SLC4A5: variants seen among roughly 807,000 people sequenced by gnomAD.
The protein encoded by SLC4A5 is solute carrier family 4 member 5.
Under a neutral mutation model 120.4 loss-of-function variants are expected in SLC4A5, and 96 were observed. The observed-to-expected ratio is 0.80, with a 90% CI of 0.68 to 0.94. The LOEUF is 0.94. SLC4A5 is among the 40% of genes least tolerant of loss of function. The probability of loss-of-function intolerance (pLI) is 0.00; values close to 1 mark genes in which losing one functional copy is unlikely to be tolerated. For synonymous variants in SLC4A5, 550 were observed against 571.1 expected (o/e 0.96, Z 0.53); for missense variants, 1,259 against 1,459.5 (o/e 0.86, Z 2.24).
intron 8 of SLC4A5, among the ~76,000 whole-genome samples, chr2:74,273,148 G>C (rs1030360517): frequency 5.3e-5 from 8 of 152,324 alleles, no homozygotes; most frequent in African/African-American, 1.9e-4. Context: ...ACAGATCCTT[G>C]AGATGATAAA....
intron 9 of SLC4A5, among the ~76,000 whole-genome samples, 165 bp from the exon 10 acceptor site, chr2:74,264,464 C>A (rs1671237843): frequency 6.8e-6 from 1 of 146,368 alleles, no homozygotes; most frequent in African/African-American, 2.6e-5. Flanking sequence ...ATCACCAACT[C>A]TTGGCCTCCT....
chr2:74,279,121 T>G (rs905520951), intron 8 of SLC4A5, among the ~76,000 whole-genome samples: 4 of 152,252 alleles, frequency 2.6e-5, no homozygotes, highest in Non-Finnish European at 5.9e-5. Context: ...GTGCTCAGAC[T>G]TCGCTGACCC....
chr2:74,334,800 G>C (rs1014633721), intron 3 of SLC4A5, among the ~76,000 whole-genome samples: 1 of 151,752 alleles, frequency 6.6e-6, no homozygotes. Flanking sequence ...CTACCTCAAT[G>C]GTTATCTGAA....
intron 19 of SLC4A5, among the ~76,000 whole-genome samples, chr2:74,246,666 T>C (rs111625093): frequency 6.6e-6 from 1 of 152,222 alleles, no homozygotes; most frequent in African/African-American, 2.4e-5. Flanking sequence ...CATCGTATCA[T>C]GACTTGATGG....
Position 74,218,627 on chromosome 2 carries a change from C to T in SLC4A5, c.*199G>A, listed in dbSNP as rs567058638. 7 of 152,744 alleles carry T rather than the reference C, an allele frequency of 4.6e-5. No homozygotes were observed. In the South Asian group the frequency reaches 1.2e-3, roughly 27 times the overall value. The allele number at this position is 152,744 out of a possible 1,614,324, so 9.5% of individuals were successfully genotyped here. A position where few individuals can be genotyped will look rare whatever the true frequency, so the allele number is the denominator to read the frequency against. The stretch of plus-strand genomic sequence containing the variant: ...CCCATCTGGGAGAAGCTGCTTCATC[C>T]TAGAGGGTGGTCTCACTGTCAGTTT... On this transcript the variant is annotated 3_prime_UTR_variant, in exon 31 of 31. Coordinates refer to ENST00000394019, the Ensembl canonical transcript of SLC4A5.
chr2:74,292,855 C>G (rs528007377), intron 7 of SLC4A5, among the ~76,000 whole-genome samples: 13 of 152,324 alleles, frequency 8.5e-5, no homozygotes, highest in Non-Finnish European at 1.9e-4. Context: ...CATCGGCTCC[C>G]TGATGGGTGG....
In SLC4A5 at chr2:74,255,277, CTCTTT is replaced by C. The variant is rs945321735; in HGVS notation, c.1025+493_1025+497del. Among the ~76,000 whole-genome samples, 8 of 152,088 alleles carry C rather than the reference CTCTTT, an allele frequency of 5.3e-5. No individual in the cohort carries two copies. The East Asian group carries it at 7.7e-4, about 15-fold the overall frequency. On this transcript the variant is annotated intron_variant, in intron 13 of 30. Transcript: ENST00000394019. The surrounding 1 kb of genome is among the most constrained non-coding windows in gnomAD (Gnocchi z 4.0). ...CTTCTCTCCTAGTTGTTGCCTCCTT[CTCTTT>C]TATTATTTATTATTTTTATTTTTTT...
At chr2:74,271,819 C>T (rs570890360) in intron 8 of SLC4A5, among the ~76,000 whole-genome samples, 3 of 151,980 alleles carry the variant, frequency 2.0e-5, no homozygotes, top group African/African-American at 7.2e-5. Flanking sequence ...ACTCAGAAGC[C>T]GGGCATGGTG....
rs1160532512 is a variant in SLC4A5, at chr2:74,296,616, CAAAAAAAA to C, written c.271+7865_271+7872del. On this transcript the variant is annotated intron_variant, in intron 7 of 30. Transcript: ENST00000394019. The stretch of plus-strand genomic sequence containing the variant: ...GTGAAACCCGTCTCTACTAAAAATA[CAAAAAAAA>C]AAAAAAAAAAAAAAATTAGCTAGGT... Among the ~76,000 whole-genome samples the C allele has an allele frequency of 2.1e-3, 102 of 47,478 alleles. 1 individual carries two copies. The highest frequency in any genetic ancestry group is 5.5e-3 in the African/African-American group (74 of 13,430). 31.1% of individuals were successfully genotyped at this position (47,478 alleles called of 152,430 possible). A position where few individuals can be genotyped will look rare whatever the true frequency, so the allele number is the denominator to read the frequency against.
chr2:74,308,191 A>AT (rs1672705700), intron 6 of SLC4A5, among the ~76,000 whole-genome samples: 1 of 152,366 alleles, frequency 6.6e-6, no homozygotes, highest in South Asian at 2.1e-4. Context: ...CTAAACATTC[A>AT]TATGTAGGCT....
intron 8 of SLC4A5, among the ~76,000 whole-genome samples, chr2:74,268,047 C>G (rs1288528380): frequency 6.6e-6 from 1 of 151,562 alleles, no homozygotes; most frequent in Non-Finnish European, 1.5e-5. Flanking sequence ...TTTTGAATAA[C>G]AGCTCCATCA....
intron 3 of SLC4A5, among the ~76,000 whole-genome samples, chr2:74,337,656 A>C (rs1225354246): frequency 1.3e-5 from 2 of 152,226 alleles, no homozygotes; most frequent in Non-Finnish European, 1.5e-5. Context: ...GCAGCGGACA[A>C]AGGCAGCAAC....
chr2:74,340,517 G>A (rs1027450567), intron 2 of SLC4A5, among the ~76,000 whole-genome samples: 2 of 152,110 alleles, frequency 1.3e-5, no homozygotes, highest in East Asian at 3.8e-4. Flanking sequence ...ATGATGGGTG[G>A]GGGCAGAAGC....
intron 30 of SLC4A5, among the ~76,000 whole-genome samples, chr2:74,221,035 G>A (rs1248063343): frequency 6.6e-6 from 1 of 151,108 alleles, no homozygotes; most frequent in South Asian, 2.1e-4. Context: ...AGTAGAGACG[G>A]GGTTTCACCA....
chr2:74,311,408 T>C (rs13403873), intron 6 of SLC4A5, among the ~76,000 whole-genome samples: 5,918 of 152,236 alleles, frequency 0.039, 404 homozygotes, highest in African/African-American at 0.13. Context: ...CTTTTAGATC[T>C]TTCTTCTTTT....
exon 31 of SLC4A5, chr2:74,217,624 G>C (rs1694486749): frequency 6.6e-6 from 1 of 152,078 alleles, no homozygotes; most frequent in Admixed American, 6.6e-5. Context: ...CTAATTTAAA[G>C]GATCATTTTG....
intron 7 of SLC4A5, among the ~76,000 whole-genome samples, chr2:74,298,725 G>A (rs1272429087): frequency 6.6e-6 from 1 of 152,008 alleles, no homozygotes; most frequent in Non-Finnish European, 1.5e-5. Flanking sequence ...CAACTCAATA[G>A]CAAAAAGAAA....
intron 11 of SLC4A5, 128 bp downstream of exon 11, chr2:74,262,009 C>G (rs891146879): frequency 2.6e-6 from 2 of 773,048 alleles, no homozygotes; most frequent in Non-Finnish European, 4.1e-6. Context: ...TTAGGCTCCT[C>G]CTGATGCATG....
At chr2:74,307,238 A>G (rs993514774) in intron 6 of SLC4A5, 3 of 521,514 alleles carry the variant, frequency 5.8e-6, no homozygotes, top group African/African-American at 5.7e-5. Context: ...GGCTCTTCTG[A>G]GGCAGCTAAT....
Sources: gnomAD v4.1 joint callset for allele counts (sites outside exome capture counted in the v4.1 genomes callset) on GRCh38, gnomAD v4.1.1 for gene constraint, Gnocchi (gnomAD v3.1) non-coding constraint, MANE v1.5 for transcripts, NCBI Gene and HGNC (gene_info 2026-07-23, HGNC 2026-07-21) for gene names.